Variants in VGLL4 observed in about 807,000 individuals in gnomAD.
VGLL4 encodes vestigial like family member 4, also known as transcription cofactor vestigial-like protein 4.
Under a neutral mutation model 21.0 loss-of-function variants are expected in VGLL4, and 7 were observed. That is an observed-to-expected ratio of 0.33 (90% CI 0.19 to 0.63). VGLL4 has a LOEUF of 0.63. VGLL4 is among the 20% of genes least tolerant of loss of function. The probability of loss-of-function intolerance (pLI) is 0.78; values close to 1 mark genes in which losing one functional copy is unlikely to be tolerated. For synonymous variants in VGLL4, 222 were observed against 173.2 expected (o/e 1.28, Z -2.21); for missense variants, 394 against 425.7 (o/e 0.93, Z 0.66).
At chr3:11,561,891 C>A (rs1332947002) in intron 3 of VGLL4, among the ~76,000 whole-genome samples, 1 of 88,608 alleles carries the variant, frequency 1.1e-5, no homozygotes, top group Non-Finnish European at 2.0e-5. Flanking sequence ...CTGCGCCAAA[C>A]TTTTTTTTTT....
chr3:11,709,447 A>AC (rs1353776607), intron 1 of VGLL4, among the ~76,000 whole-genome samples: 107 of 118,790 alleles, frequency 9.0e-4, no homozygotes, highest in African/African-American at 2.6e-3. Flanking sequence ...AAAAAAAAAA[A>AC]AAAAAAAAAA....
intron 3 of VGLL4, among the ~76,000 whole-genome samples, chr3:11,564,300 T>C (rs1020038995): frequency 6.6e-6 from 1 of 152,200 alleles, no homozygotes; most frequent in Non-Finnish European, 1.5e-5. Flanking sequence ...CTGACCAGCA[T>C]GGGCTCACAA....
intron 2 of VGLL4, among the ~76,000 whole-genome samples, chr3:11,594,359 T>C (rs141145341): frequency 2.8e-4 from 42 of 152,362 alleles, no homozygotes; most frequent in African/African-American, 9.1e-4. Context: ...GATAGACAGA[T>C]AGATGTAGAA....
rs531854553 is a variant in VGLL4, at chr3:11,655,267, C to A, written c.64+47704G>T. Among the ~76,000 whole-genome samples, 10 of 152,320 alleles carry A rather than the reference C, an allele frequency of 6.6e-5. No individual in the cohort carries two copies. The East Asian group carries it at 1.4e-3, about 21-fold the overall frequency. On this transcript the variant is annotated intron_variant, in intron 2 of 5. Coordinates refer to the VGLL4 transcript ENST00000273038. Reference sequence around the variant, plus strand: ...CCACGTAATTTTTGCAAGCTCCCCTCCCCTTAGGGGTCAGGACCACTACCC... The same window carrying A: ...CCACGTAATTTTTGCAAGCTCCCCTACCCTTAGGGGTCAGGACCACTACCC...
chr3:11,666,030 C>T (rs1383355979), intron 2 of VGLL4, among the ~76,000 whole-genome samples: 1 of 152,086 alleles, frequency 6.6e-6, no homozygotes, highest in African/African-American at 2.4e-5. Context: ...GCGGGCGGAT[C>T]ACGAGGTCAG....
At chr3:11,627,256 T>A in intron 1 of VGLL4, 1 of 149,312 alleles carries the variant, frequency 6.7e-6, no homozygotes, top group African/African-American at 2.5e-5. Context: ...TCTCTGTCGG[T>A]TTTTAAATTA....
At chr3:11,582,458 C>T (rs913499872) in intron 2 of VGLL4, 2 of 1,268,136 alleles carry the variant, frequency 1.6e-6, no homozygotes, top group South Asian at 1.5e-5. Flanking sequence ...GGCCTGCTTG[C>T]CCCCTGCACT....
chr3:11,654,214 C>T (rs1226593498), intron 2 of VGLL4, among the ~76,000 whole-genome samples: 1 of 152,180 alleles, frequency 6.6e-6, no homozygotes, highest in African/African-American at 2.4e-5. Flanking sequence ...TCTGATACAG[C>T]ACAAGAGGTC....
intron 1 of VGLL4, among the ~76,000 whole-genome samples, chr3:11,620,299 GGA>G (rs1352785015): frequency 6.6e-6 from 1 of 152,116 alleles, no homozygotes; most frequent in Non-Finnish European, 1.5e-5. Flanking sequence ...TATACCACTC[GGA>G]GAGGTTTCAC....
At chr3:11,578,864 C>T (rs982014159) in intron 2 of VGLL4, among the ~76,000 whole-genome samples, 4 of 151,002 alleles carry the variant, frequency 2.6e-5, no homozygotes, top group Non-Finnish European at 5.9e-5. Context: ...ATTCTCCTGC[C>T]TCAGCCTCCC....
chr3:11,614,863 A>T lies in VGLL4; in HGVS notation c.83-12841T>A, dbSNP rs532319325. On this transcript the variant is annotated intron_variant, in intron 1 of 4. Coordinates refer to ENST00000430365, the MANE Select transcript of VGLL4 (RefSeq NM_001128219.3). ...AGTCAACCTTACTGCTGAAACAGCT[A>T]CATGCCCAAGTAAATCATTTTAATT... Among the ~76,000 whole-genome samples, 340 of 152,366 alleles carry T rather than the reference A, an allele frequency of 2.2e-3. 4 individuals are homozygous for T. Among genetic ancestry groups the T allele is most frequent in the African/African-American group, 7.8e-3 (325 of 41,586 alleles).
At chr3:11,665,116 T>C (rs1452105735) in intron 2 of VGLL4, among the ~76,000 whole-genome samples, 4 of 128,580 alleles carry the variant, frequency 3.1e-5, no homozygotes, top group Admixed American at 7.7e-5. Flanking sequence ...TTTTTTTTTT[T>C]TTTTTTTTTT....
chr3:11,711,098 C>CA (rs1273595685), intron 1 of VGLL4, among the ~76,000 whole-genome samples: 118 of 131,972 alleles, frequency 8.9e-4, no homozygotes, highest in Middle Eastern at 4.5e-3. Context: ...GACTCCATCT[C>CA]AAAAAAAAAA....
At position 11,568,485 on chromosome 3, in the gene VGLL4, A is replaced by T. The variant is rs554562548; in HGVS notation, c.273-3466T>A. ...GGGGACTTCCAGGCCCACTAACTGG[A>T]AAGACAGTCCGTGGAACACAGCACA... On this transcript the variant is annotated intron_variant, in intron 2 of 4. Coordinates refer to ENST00000430365, the MANE Select transcript of VGLL4 (RefSeq NM_001128219.3). The surrounding 1 kb of genome is among the most constrained non-coding windows in gnomAD (Gnocchi z 5.9). 29 of 1,390,582 alleles carry T rather than the reference A, an allele frequency of 2.1e-5. No homozygotes were observed. The African/African-American group carries it at 3.9e-4, about 19-fold the overall frequency. 86.1% of individuals were successfully genotyped at this position (1,390,582 alleles called of 1,614,324 possible). A position where few individuals can be genotyped will look rare whatever the true frequency, so the allele number is the denominator to read the frequency against.
chr3:11,582,115 G>A (rs1160566573), intron 2 of VGLL4, among the ~76,000 whole-genome samples: 4 of 152,250 alleles, frequency 2.6e-5, no homozygotes, highest in Non-Finnish European at 2.9e-5. Flanking sequence ...GGGGAGAAGG[G>A]AGGGACGAGA....
rs771337240 is a variant in VGLL4, at chr3:11,659,290, C to CT, written c.64+43680dup. Among the ~76,000 whole-genome samples the CT allele has an allele frequency of 1.0e-3, 110 of 110,354 alleles. No homozygotes were observed. The South Asian group carries it at 0.01, about 10-fold the overall frequency. The allele number at this position is 110,354 out of a possible 152,430, so 72.4% of individuals were successfully genotyped here. On this transcript the variant is annotated intron_variant, in intron 2 of 5. Transcript: ENST00000273038. Reference sequence around the variant, plus strand: ...GCAGAGGGAGGACAAATCCTATTTTCTTTTTTTTTTTCTGTTTTCTTTTCT... The same window carrying CT: ...GCAGAGGGAGGACAAATCCTATTTTCTTTTTTTTTTTTCTGTTTTCTTTTCT...
Position 11,601,874 on chromosome 3 carries a change from G to C in VGLL4, c.231C>G (p.Asn77Lys). ...TGCGACTCATTTTGGAGACGTGGTCGTTGTCACAGTCTAGGTCCTCGTCAC... is the reference window on the plus strand; with the variant it reads ...TGCGACTCATTTTGGAGACGTGGTCCTTGTCACAGTCTAGGTCCTCGTCAC... ...EPGDEDLDCD[N>K]DHVSKMSRIF... Residue 77 changes from asparagine to lysine, a missense_variant, in exon 2 of 5, where the codon AAC becomes AAG. By Grantham distance (94) the Asn-to-Lys change is moderately conservative (BLOSUM62 0). Transcript: ENST00000430365. 1 of 1,613,662 alleles carries C rather than the reference G, an allele frequency of 6.2e-7. No homozygotes were observed. The highest frequency in any genetic ancestry group is 1.1e-5 in the South Asian group (1 of 91,024).
At chr3:11,606,139 G>A (rs552494449) in intron 1 of VGLL4, among the ~76,000 whole-genome samples, 1 of 152,324 alleles carries the variant, frequency 6.6e-6, no homozygotes, top group South Asian at 2.1e-4. Flanking sequence ...GAGAGAATGA[G>A]AATGAGAGAA....
intron 3 of VGLL4, among the ~76,000 whole-genome samples, chr3:11,560,018 G>C (rs558848798): frequency 1.3e-5 from 2 of 152,088 alleles, no homozygotes; most frequent in South Asian, 2.1e-4. Context: ...TCCCACCCCA[G>C]CCCGATCTGC....
Sources: gnomAD v4.1 joint callset for allele counts (sites outside exome capture counted in the v4.1 genomes callset) on GRCh38, gnomAD v4.1.1 for gene constraint, Gnocchi (gnomAD v3.1) non-coding constraint, MANE v1.5 for transcripts, NCBI Gene and HGNC (gene_info 2026-07-23, HGNC 2026-07-21) for gene names.